Variants in FAM168A observed in about 807,000 individuals in gnomAD.
The protein encoded by FAM168A is family with sequence similarity 168 member A, also known as protein FAM168A.
Under a neutral mutation model 28.5 loss-of-function variants are expected in FAM168A, and 3 were observed. The ratio of observed to expected loss-of-function variants is 0.11; its 90% confidence interval spans 0.05 to 0.27. The LOEUF (loss-of-function observed/expected upper bound fraction) is 0.27, where lower values mean the gene tolerates loss of function less well. Ranked by LOEUF, FAM168A falls within the 10% of genes least tolerant of loss-of-function variation. FAM168A has a pLI of 1.00. For synonymous variants in FAM168A, 122 were observed against 124.2 expected (o/e 0.98, Z 0.12); for missense variants, 222 against 311.5 (o/e 0.71, Z 2.16).
At chr11:73,498,085 C>T (rs1423330610) in intron 1 of FAM168A, among the ~76,000 whole-genome samples, 2 of 152,038 alleles carry the variant, frequency 1.3e-5, no homozygotes, top group Non-Finnish European at 2.9e-5. Flanking sequence ...CTAATGAGGC[C>T]GACTAGTACA....
At chr11:73,523,485 T>C (rs1235452351) in intron 1 of FAM168A, among the ~76,000 whole-genome samples, 2 of 152,074 alleles carry the variant, frequency 1.3e-5, no homozygotes, top group Admixed American at 6.5e-5. Context: ...AGCTAATAGA[T>C]TGATAGTTTC....
At chr11:73,431,159 T>G (rs1866985171) in intron 2 of FAM168A, among the ~76,000 whole-genome samples, 1 of 152,106 alleles carries the variant, frequency 6.6e-6, no homozygotes, top group South Asian at 2.1e-4. Context: ...CTGGCCAAGA[T>G]GGTGAAACCC....
At chr11:73,494,235 A>G (rs1013492161) in intron 1 of FAM168A, among the ~76,000 whole-genome samples, 2 of 152,164 alleles carry the variant, frequency 1.3e-5, no homozygotes, top group Non-Finnish European at 2.9e-5. Context: ...TCATTTTGCA[A>G]CTGGGAAAAC....
chr11:73,489,568 T>G (rs1188826195), intron 1 of FAM168A, among the ~76,000 whole-genome samples: 1 of 150,886 alleles, frequency 6.6e-6, no homozygotes, highest in East Asian at 2.0e-4. Context: ...TCAAGTGCAG[T>G]GGCACAACCA....
At chr11:73,540,334 T>A (rs1943638273) in intron 1 of FAM168A, among the ~76,000 whole-genome samples, 1 of 152,210 alleles carries the variant, frequency 6.6e-6, no homozygotes, top group South Asian at 2.1e-4. Flanking sequence ...CGTTCAATTC[T>A]CAAGGTAACC....
intron 1 of FAM168A, among the ~76,000 whole-genome samples, chr11:73,479,917 CCAAA>C (rs1867945313): frequency 6.6e-6 from 1 of 152,118 alleles, no homozygotes; most frequent in Non-Finnish European, 1.5e-5. Context: ...TTTCTTCTTA[CCAAA>C]CAACTTTAAG....
chr11:73,519,194 C>T (rs1943345278), intron 1 of FAM168A, among the ~76,000 whole-genome samples: 1 of 152,146 alleles, frequency 6.6e-6, no homozygotes, highest in African/African-American at 2.4e-5. Flanking sequence ...ATTTCTCCTC[C>T]CCTTGAATCT....
chr11:73,518,547 G>A (rs1943333808), intron 1 of FAM168A, among the ~76,000 whole-genome samples: 1 of 151,720 alleles, frequency 6.6e-6, no homozygotes, highest in East Asian at 1.9e-4. Context: ...GAGGGGGCGT[G>A]GAATTGTGGT....
At chr11:73,521,892 G>C (rs1016948705) in intron 1 of FAM168A, among the ~76,000 whole-genome samples, 1 of 152,048 alleles carries the variant, frequency 6.6e-6, no homozygotes, top group African/African-American at 2.4e-5. Flanking sequence ...ATTATTTACA[G>C]AAGTAACCCA....
chr11:73,444,673 T>C (rs964857407), intron 2 of FAM168A, among the ~76,000 whole-genome samples: 1 of 152,224 alleles, frequency 6.6e-6, no homozygotes, highest in Non-Finnish European at 1.5e-5. Flanking sequence ...TACTAGCTAA[T>C]AGTGAAAGTT....
chr11:73,478,021 A>G (rs1378675964), intron 1 of FAM168A, among the ~76,000 whole-genome samples: 1 of 152,226 alleles, frequency 6.6e-6, no homozygotes, highest in Non-Finnish European at 1.5e-5. Context: ...AGACAATTGC[A>G]TAAAACAACT....
rs149689602 is a variant in FAM168A at position 73,438,482 on chromosome 11, G to A, written c.71-7712C>T. Among the ~76,000 whole-genome samples, 158 of 152,272 alleles carry A rather than the reference G, an allele frequency of 1.0e-3. 2 individuals carry two copies. The East Asian group carries it at 0.029, about 28-fold the overall frequency. ...GTATGAAAGTGCATACCACATTAGG[G>A]AAATGGCAAACAGTTAAGTACAGTT... On this transcript the variant is annotated intron_variant, in intron 2 of 7. Transcript: ENST00000356467.
chr11:73,494,111 GACATGTACATTATGTACAGTATGT>G, intron 1 of FAM168A, among the ~76,000 whole-genome samples: 4 of 152,112 alleles, frequency 2.6e-5, no homozygotes, highest in South Asian at 2.1e-4. Context: ...GTACAGTATG[GACATGTACATTATGTACAGTATGT>G]ACATATACAT....
chr11:73,483,511 A>G (rs1867996229), intron 1 of FAM168A, among the ~76,000 whole-genome samples: 1 of 152,240 alleles, frequency 6.6e-6, no homozygotes, highest in Admixed American at 6.5e-5. Flanking sequence ...TCTGTGTTCT[A>G]GAATAATATT....
At chr11:73,440,503 G>A (rs998482044) in intron 2 of FAM168A, among the ~76,000 whole-genome samples, 1 of 152,098 alleles carries the variant, frequency 6.6e-6, no homozygotes, top group Admixed American at 6.5e-5. Flanking sequence ...GGTGGTGTGT[G>A]CCCACAGTCC....
Position 73,411,492 on chromosome 11 carries a change from T to C in FAM168A, c.322A>G (p.Asn108Asp). Residue 108 changes from asparagine to aspartate, a missense_variant, in exon 5 of 8, where the codon AAC (asparagine) becomes GAC (aspartate). By Grantham distance (23) the Asn-to-Asp change is conservative (BLOSUM62 1). Transcript: ENST00000356467. ...GGGGAGTAGGGGGGTGGAGCAGTGT[T>C]ACTCTGGGTCGGTGGGACCTTGTAT... is the stretch of plus-strand genomic sequence containing the variant. ...TPYKVPPTQS[N>D]TAPPPYSPSP... The C allele has an allele frequency of 6.2e-7, 1 of 1,614,006 alleles. No homozygotes were observed. The highest frequency in any genetic ancestry group is 8.5e-7 in the Non-Finnish European group (1 of 1,179,922).
At chr11:73,484,544 C>CGA (rs1565265685) in intron 1 of FAM168A, among the ~76,000 whole-genome samples, 4 of 134,084 alleles carry the variant, frequency 3.0e-5, no homozygotes, top group Non-Finnish European at 6.1e-5. Context: ...ATCTATATAT[C>CGA]TATCTATATC....
chr11:73,470,618 CCT>C, intron 1 of FAM168A, among the ~76,000 whole-genome samples: 1 of 152,098 alleles, frequency 6.6e-6, no homozygotes, highest in African/African-American at 2.4e-5. Context: ...TCTCTGTCAC[CCT>C]CTTTTGCCCC....
intron 1 of FAM168A, among the ~76,000 whole-genome samples, chr11:73,499,043 G>A (rs1037137651): frequency 3.9e-5 from 6 of 152,054 alleles, no homozygotes; most frequent in African/African-American, 9.7e-5. Context: ...GCTGCTCCCC[G>A]TGCCACCCAA....
Sources: allele counts gnomAD v4.1 joint callset (sites outside exome capture counted in the v4.1 genomes callset), GRCh38; gene constraint gnomAD v4.1.1; transcripts MANE v1.5; gene names NCBI Gene and HGNC (gene_info 2026-07-23, HGNC 2026-07-21).